Variants in MRPL43 observed in about 807,000 individuals in gnomAD.
MRPL43 encodes the protein large ribosomal subunit protein mL43.
A neutral mutation model predicts 12.7 loss-of-function variants in MRPL43; 9 were observed. The observed-to-expected ratio is 0.71, with a 90% CI of 0.43 to 1.24. The LOEUF is 1.24. MRPL43 is among the 50% of genes most tolerant of loss of function. The probability of loss-of-function intolerance (pLI) is 0.00; values close to 1 mark genes in which losing one functional copy is unlikely to be tolerated. For missense variants in MRPL43, 211 were observed against 229.2 expected (o/e 0.92, Z 0.51); for synonymous variants, 116 against 96.4 (o/e 1.20, Z -1.19).
chr10:100,985,109 G>A (rs1401448436), downstream of MRPL43: 10 of 487,956 alleles, frequency 2.0e-5, no homozygotes, highest in Non-Finnish European at 3.2e-5. Flanking sequence ...GACCAACACT[G>A]CACTCAATGA....
chr10:100,982,188 G>C (rs1489209858), downstream of MRPL43, among the ~76,000 whole-genome samples: 3 of 151,922 alleles, frequency 2.0e-5, no homozygotes, highest in African/African-American at 7.3e-5. Context: ...AGAGGACATG[G>C]GGTAATGGGG....
At chr10:100,984,851 G>T, downstream of MRPL43, 1 of 1,500,310 alleles carries the variant, frequency 6.7e-7, no homozygotes, top group Non-Finnish European at 8.9e-7. Flanking sequence ...TGGCCCTTGT[G>T]AATCAGCCTC....
At chr10:100,981,255 C>T (rs1470597256), downstream of MRPL43, 2 of 1,612,190 alleles carry the variant, frequency 1.2e-6, no homozygotes, top group Non-Finnish European at 1.7e-6. Context: ...GAGTGTGGGT[C>T]TAGCTACGCA....
chr10:100,987,167 A>T lies in MRPL43; in HGVS notation c.161T>A (p.Phe54Tyr). Residue 54 changes from phenylalanine to tyrosine, a missense_variant, in exon 2 of 3, where the codon TTC (phenylalanine) becomes TAC (tyrosine). Physicochemically the swap from Phe to Tyr is conservative, Grantham distance 22. Transcript: ENST00000318364. ...TACGACCCCTGGATTCCGTCGGGCG[A>T]AGTCGATCACCTCCCGCTCCACGAA... Reference protein sequence around the residue: ...REFVEREVIDFARRNPGVVIY... With the variant: ...REFVEREVIDYARRNPGVVIY... 1 of 1,613,830 alleles carries T rather than the reference A, an allele frequency of 6.2e-7. No individual in the cohort carries two copies. Among genetic ancestry groups the T allele is most frequent in the South Asian group, 1.1e-5 (1 of 91,078 alleles).
At chr10:100,978,723 C>A, downstream of MRPL43, 1 of 1,547,948 alleles carries the variant, frequency 6.5e-7, no homozygotes, top group Non-Finnish European at 8.9e-7. Flanking sequence ...ACCACCCCAC[C>A]CCCAAATCCC....
At chr10:100,979,170 C>T (rs1564795878), downstream of MRPL43, 1 of 1,614,214 alleles carries the variant, frequency 6.2e-7, no homozygotes, top group Middle Eastern at 1.6e-4. Flanking sequence ...GTCTCATCTG[C>T]CACATTCCAC....
At chr10:100,983,509 G>C, downstream of MRPL43, 1 of 1,614,220 alleles carries the variant, frequency 6.2e-7, no homozygotes, top group Non-Finnish European at 8.5e-7. Flanking sequence ...AACTATGGCT[G>C]CTATGCCGAG....
chr10:100,980,899 T>C, downstream of MRPL43: 1 of 1,612,714 alleles, frequency 6.2e-7, no homozygotes, highest in Non-Finnish European at 8.5e-7. Context: ...GATCCTGCTA[T>C]GACTGCATCT....
downstream of MRPL43, chr10:100,978,715 C>T: frequency 6.4e-7 from 1 of 1,551,364 alleles, no homozygotes; most frequent in Non-Finnish European, 8.9e-7. Flanking sequence ...GCCAGCTGAC[C>T]ACCCCACCCC....
At chr10:100,978,473 A>T, downstream of MRPL43, 7 of 1,598,142 alleles carry the variant, frequency 4.4e-6, no homozygotes, top group Non-Finnish European at 6.0e-6. Flanking sequence ...TGTATATGTC[A>T]TGTGCCCTGT....
downstream of MRPL43, among the ~76,000 whole-genome samples, chr10:100,982,055 C>T (rs1363672767): frequency 2.7e-4 from 27 of 99,980 alleles, 1 homozygote; most frequent in Admixed American, 1.7e-3. Flanking sequence ...GAGACCTCAT[C>T]TCATCTCAAA....
downstream of MRPL43, chr10:100,984,844 C>A: frequency 6.6e-7 from 1 of 1,506,626 alleles, no homozygotes; most frequent in Non-Finnish European, 8.9e-7. Context: ...TCCTGTGTGG[C>A]CCTTGTGAAT....
At chr10:100,980,792 T>C, downstream of MRPL43, 1 of 1,555,634 alleles carries the variant, frequency 6.4e-7, no homozygotes, top group Non-Finnish European at 8.7e-7. Context: ...GTGGGGACGC[T>C]GCCGACCAAC....
downstream of MRPL43, chr10:100,977,924 T>C: frequency 1.7e-6 from 1 of 595,158 alleles, no homozygotes. Flanking sequence ...ATGCAGTTTT[T>C]ATAGCATTTT....
downstream of MRPL43, chr10:100,980,807 C>A (rs1298475214): frequency 3.8e-6 from 6 of 1,559,952 alleles, no homozygotes; most frequent in East Asian, 1.1e-4. Context: ...ACCAACTGTC[C>A]TATCTGGCTC....
chr10:100,982,192 A>T (rs2133894495), downstream of MRPL43, among the ~76,000 whole-genome samples: 1 of 152,004 alleles, frequency 6.6e-6, no homozygotes, highest in Non-Finnish European at 1.5e-5. Flanking sequence ...GACATGGGGT[A>T]ATGGGGTGAC....
intron 1 of MRPL43, 33 bp downstream of exon 1, chr10:100,987,280 C>T (rs781549925): frequency 1.2e-6 from 2 of 1,611,738 alleles, no homozygotes; most frequent in African/African-American, 1.3e-5. Context: ...CACACCCACC[C>T]CGACCCGCGC....
At chr10:100,978,712 G>C, downstream of MRPL43, 1 of 1,558,104 alleles carries the variant, frequency 6.4e-7, no homozygotes, top group Non-Finnish European at 8.8e-7. Context: ...TTGGCCAGCT[G>C]ACCACCCCAC....
downstream of MRPL43, chr10:100,980,972 A>G: frequency 6.2e-7 from 1 of 1,602,774 alleles, no homozygotes; most frequent in South Asian, 1.1e-5. Context: ...AGCCACCACC[A>G]TAGCCAACAG....
Sources: gnomAD v4.1 joint callset for allele counts (sites outside exome capture counted in the v4.1 genomes callset) on GRCh38, gnomAD v4.1.1 for gene constraint, MANE v1.5 for transcripts, NCBI Gene and HGNC (gene_info 2026-07-23, HGNC 2026-07-21) for gene names.